TASOR: variants seen among roughly 807,000 people sequenced by gnomAD.
TASOR encodes transcription activation suppressor.
In TASOR, 53 loss-of-function variants were observed where a neutral mutation model predicts 178.6. That is an observed-to-expected ratio of 0.30 (90% CI 0.24 to 0.37). The LOEUF (loss-of-function observed/expected upper bound fraction) is 0.37. Ranked by LOEUF, TASOR falls within the 10% of genes least tolerant of loss-of-function variation. The pLI is 1.00. For missense variants in TASOR, 1,815 were observed against 1,971.4 expected (o/e 0.92, Z 1.50); for synonymous variants, 713 against 696.2 (o/e 1.02, Z -0.38).
rs2076640593 is a variant in TASOR at position 56,621,562 on chromosome 3, A to C, written c.*1475T>G. On this transcript the variant is annotated 3_prime_UTR_variant, in exon 24 of 24. Coordinates refer to ENST00000683822, the MANE Select transcript of TASOR (RefSeq NM_001365635.2). The stretch of plus-strand genomic sequence containing the variant: ...TCTCCAGAAGCAAAAGGAGTTGGAA[A>C]GTAGTCTCCTGCCTTTAGCTGAAAA... 1 of 1,602,724 alleles carries C rather than the reference A, an allele frequency of 6.2e-7. No homozygotes were observed. The highest frequency in any genetic ancestry group is 2.2e-5 in the East Asian group (1 of 44,648).
At chr3:56,625,952 C>T (rs2076790379) in intron 21 of TASOR, among the ~76,000 whole-genome samples, 1 of 152,066 alleles carries the variant, frequency 6.6e-6, no homozygotes, top group Non-Finnish European at 1.5e-5. Flanking sequence ...TTGCAAGGGA[C>T]AAGGCAACAA....
intron 5 of TASOR, among the ~76,000 whole-genome samples, chr3:56,668,765 G>C (rs908042965): frequency 6.6e-6 from 1 of 152,044 alleles, no homozygotes; most frequent in African/African-American, 2.4e-5. Flanking sequence ...CCTGAGGTCA[G>C]GAGTTCGAGA....
chr3:56,638,864 T>C (rs2077067405), intron 16 of TASOR, 99 bp from the exon 17 acceptor site: 5 of 1,133,032 alleles, frequency 4.4e-6, no homozygotes, highest in Non-Finnish European at 5.3e-6. Flanking sequence ...AAGCATTCCT[T>C]CTTCTGCCTA....
Position 56,621,536 on chromosome 3 carries a change from T to C in TASOR, c.*1501A>G. The C allele has an allele frequency of 6.3e-7, 1 of 1,587,562 alleles. No individual in the cohort carries two copies. The highest frequency in any genetic ancestry group is 1.2e-5 in the South Asian group (1 of 86,414). Reference sequence around the variant, plus strand: ...CATATATCAATGTGATTTCAGGGCCTTCTCCAGAAGCAAAAGGAGTTGGAA... The same window carrying C: ...CATATATCAATGTGATTTCAGGGCCCTCTCCAGAAGCAAAAGGAGTTGGAA... On this transcript the variant is annotated 3_prime_UTR_variant, in exon 24 of 24. Coordinates refer to ENST00000683822, the MANE Select transcript of TASOR (RefSeq NM_001365635.2).
At chr3:56,625,703 G>A (rs1334047192) in intron 21 of TASOR, among the ~76,000 whole-genome samples, 1 of 136,336 alleles carries the variant, frequency 7.3e-6, no homozygotes, top group African/African-American at 2.7e-5. Context: ...TTTTTTTTTT[G>A]AGACAGAGTC....
rs3732506 is a variant in TASOR, at chr3:56,623,169, T to C, written c.4881A>G (p.Ser1627=). The C allele has an allele frequency of 0.043, 70,118 of 1,613,682 alleles. 1,769 individuals carry two copies. The highest frequency in any genetic ancestry group is 0.065 in the Middle Eastern group (389 of 6,006). Residue 1627 remains serine, a synonymous_variant, in exon 24 of 24, where the codon TCA becomes TCG. Transcript: ENST00000683822. The part of the protein sequence containing the change: ...QTFLGTPYAL[S]SSQSQENENY... ...TCTCATTTTCTTGAGACTGACTTGATGAAAGGGCATATGGTGTCCCCAAAA... is the reference window on the plus strand; with the variant it reads ...TCTCATTTTCTTGAGACTGACTTGACGAAAGGGCATATGGTGTCCCCAAAA...
chr3:56,648,987 T>A lies in TASOR; in HGVS notation c.1439A>T (p.Tyr480Phe), dbSNP rs2077293946. The A allele has an allele frequency of 6.2e-7, 1 of 1,606,764 alleles. No individual in the cohort carries two copies. Among genetic ancestry groups the A allele is most frequent in the Admixed American group, 1.7e-5 (1 of 58,832 alleles). ...TTTATTAAAGAGAGACCACCTACCATATGGAGGAACCATCTGATAAGGGGA... is the reference window on the plus strand; with the variant it reads ...TTTATTAAAGAGAGACCACCTACCAAATGGAGGAACCATCTGATAAGGGGA... ...LLSPYQMVPP[Y>F]EYQTAKSRVL... Residue 480 changes from tyrosine (Y) to phenylalanine (F), a missense_variant and splice_region_variant, in exon 12 of 24, where the codon TAT becomes TTT. Coordinates refer to ENST00000683822, the MANE Select transcript of TASOR (RefSeq NM_001365635.2).
chr3:56,624,840 CTA>C lies in TASOR; in HGVS notation c.4304_4305del (p.Ile1435SerfsTer17). ...GTGCTCTCTTTACCTGTTAAAAAGACTATGTGTCGTTGCTGTATGTTCTGAGC... is the reference window on the plus strand; with the variant it reads ...GTGCTCTCTTTACCTGTTAAAAAGACTGTGTCGTTGCTGTATGTTCTGAGC... ...LQAQNIQQRH[I>X]VFLTEKNIKM... On this transcript the variant is annotated frameshift_variant, in exon 22 of 24. Coordinates refer to ENST00000683822, the MANE Select transcript of TASOR (RefSeq NM_001365635.2). LOFTEE classifies it high-confidence loss of function. 6.2e-7 allele frequency: 1 copy of C among 1,614,048 alleles called. No individual in the cohort carries two copies. The highest frequency in any genetic ancestry group is 8.5e-7 in the Non-Finnish European group (1 of 1,179,982).
At chr3:56,636,680 C>A (rs537776861) in intron 17 of TASOR, among the ~76,000 whole-genome samples, 1 of 151,802 alleles carries the variant, frequency 6.6e-6, no homozygotes, top group East Asian at 2.0e-4. Flanking sequence ...GGATTACAAA[C>A]ATGAGACACC....
In TASOR at chr3:56,623,558, C is replaced by T; in HGVS notation, c.4492G>A (p.Glu1498Lys). 1.3e-6 allele frequency: 2 copies of T among 1,566,704 alleles called. No homozygotes were observed. Among genetic ancestry groups the T allele is most frequent in the Non-Finnish European group, 1.7e-6 (2 of 1,165,616 alleles). ...ENLESQSALLENDEKDEEDMS... is the reference protein window; with the variant it reads ...ENLESQSALLKNDEKDEEDMS... ...TCCTCTTCATCCTTTTCATCGTTTT[C>T]TAAAAGAGCTACATTTAAAAAACAA... The change falls in exon 24 of 24, where the codon GAA (glutamate) becomes AAA (lysine). Residue 1498 changes from glutamate to lysine, a missense_variant. Glu to Lys is a moderately conservative substitution (Grantham distance 56). Transcript: ENST00000683822.
intron 18 of TASOR, among the ~76,000 whole-genome samples, chr3:56,631,024 T>C (rs1249941649): frequency 6.6e-6 from 1 of 151,936 alleles, no homozygotes; most frequent in Admixed American, 6.6e-5. Context: ...AATATGCAGC[T>C]AGCTATGCCC....
At chr3:56,624,705 TCA>T in intron 22 of TASOR, 62 bp from the exon 23 acceptor site, 1 of 1,550,382 alleles carries the variant, frequency 6.5e-7, no homozygotes, top group Non-Finnish European at 8.8e-7. Context: ...CCCCTAGCCC[TCA>T]CAAAATCTTT....
At chr3:56,635,992 T>C (rs2077007874) in intron 17 of TASOR, among the ~76,000 whole-genome samples, 1 of 152,206 alleles carries the variant, frequency 6.6e-6, no homozygotes, top group African/African-American at 2.4e-5. Context: ...TGCACAAATT[T>C]CCCTGTATGA....
chr3:56,663,187 GA>G (rs1024808003), intron 8 of TASOR, among the ~76,000 whole-genome samples: 1 of 149,630 alleles, frequency 6.7e-6, no homozygotes, highest in Non-Finnish European at 1.5e-5. Flanking sequence ...TCTCAGAAAA[GA>G]AAAAAAAACA....
At chr3:56,682,483 G>A (rs1158602322) in intron 1 of TASOR, among the ~76,000 whole-genome samples, 193 bp downstream of exon 1, 1 of 151,760 alleles carries the variant, frequency 6.6e-6, no homozygotes, top group Admixed American at 6.6e-5. Context: ...GGGGCAGCAG[G>A]GGAGCGTGGT....
At chr3:56,648,748 T>A (rs2077288962) in intron 13 of TASOR, 74 bp downstream of exon 13, 1 of 1,072,954 alleles carries the variant, frequency 9.3e-7, no homozygotes, top group Admixed American at 2.3e-5. Context: ...AAATGTTTAG[T>A]GAGTTATCTG....
intron 14 of TASOR, among the ~76,000 whole-genome samples, chr3:56,644,698 G>GT (rs34796900): frequency 0.32 from 48,073 of 151,992 alleles, 8,025 homozygotes; most frequent in East Asian, 0.49. Context: ...CAAGAAGGTA[G>GT]TAAGTCAGGA....
rs762498002 is a variant in TASOR at position 56,660,106 on chromosome 3, C to G, written c.1368+625G>C. On this transcript the variant is annotated intron_variant, in intron 11 of 23. Coordinates refer to ENST00000683822, the MANE Select transcript of TASOR (RefSeq NM_001365635.2). Reference sequence around the variant, plus strand: ...CCGATCTCCTGATCTTATGATCTGCCTGCCTTGGCCTCCTAAAGTGCTGGG... The same window carrying G: ...CCGATCTCCTGATCTTATGATCTGCGTGCCTTGGCCTCCTAAAGTGCTGGG... 8.9e-4 allele frequency among the ~76,000 whole-genome samples: 135 copies of G among 152,136 alleles called. 1 individual carries two copies. Among genetic ancestry groups the G allele is most frequent in the South Asian group, 3.1e-3 (15 of 4,816 alleles).
chr3:56,664,541 A>G (rs1158702786), intron 7 of TASOR, among the ~76,000 whole-genome samples: 1 of 152,232 alleles, frequency 6.6e-6, no homozygotes, highest in African/African-American at 2.4e-5. Context: ...AGGACCGTAA[A>G]TGGAAGAGAA....
Sources: gnomAD v4.1 joint callset for allele counts (sites outside exome capture counted in the v4.1 genomes callset) on GRCh38, gnomAD v4.1.1 for gene constraint, MANE v1.5 for transcripts, NCBI Gene and HGNC (gene_info 2026-07-23, HGNC 2026-07-21) for gene names.